MKI67: variants seen among roughly 807,000 people sequenced by gnomAD.
The protein encoded by MKI67 is proliferation marker protein Ki-67.
MKI67 carries 152 observed loss-of-function variants against 233.5 expected under a neutral mutation model. That is an observed-to-expected ratio of 0.65 (90% CI 0.57 to 0.74). The LOEUF is 0.74. Among genes scored for constraint, MKI67 ranks in the 30% least tolerant of loss-of-function variants. The pLI is 0.00. For synonymous variants in MKI67, 1,465 were observed against 1,418.5 expected (o/e 1.03, Z -0.74); for missense variants, 3,940 against 3,885.2 (o/e 1.01, Z -0.37).
chr10:128,112,543 A>C, intron 8 of MKI67, 98 bp from the exon 9 acceptor site: 1 of 1,203,242 alleles, frequency 8.3e-7, no homozygotes, highest in Non-Finnish European at 1.2e-6. Context: ...TCAGCTGTTT[A>C]AATCTTGAAG....
Position 128,115,153 on chromosome 10 carries a change from A to G in MKI67, c.1255T>C (p.Ser419Pro), listed in dbSNP as rs371693050. ...GGAATACTTCCTCTGGTTTTGGAAG[A>G]GAGATTTTCTGGCTTAGTGGCAGAG... ...ADSATKPENL[S>P]SKTRGSIPTD... Residue 419 changes from serine (S) to proline (P), a missense_variant, in exon 7 of 15, where the codon TCT becomes CCT. Coordinates refer to ENST00000368654, the MANE Select transcript of MKI67 (RefSeq NM_002417.5). 1 of 1,614,098 alleles carries G rather than the reference A, an allele frequency of 6.2e-7. No individual in the cohort carries two copies. Among genetic ancestry groups the G allele is most frequent in the African/African-American group, 1.3e-5 (1 of 74,942 alleles).
chr10:128,116,423 C>A, intron 6 of MKI67, 68 bp downstream of exon 6: 1 of 1,419,026 alleles, frequency 7.0e-7, no homozygotes, highest in South Asian at 1.2e-5. Flanking sequence ...GTTGCCCCTT[C>A]TTTGCCAATA....
In MKI67 at chr10:128,097,411, G is replaced by A. The variant is rs1852233953; in HGVS notation, c.*1779C>T. Reference sequence around the variant, plus strand: ...TGAAAACCACCCTTAGCGTGCTCTTGAAATACTGTACTTACCAGGGTGAGA... The same window carrying A: ...TGAAAACCACCCTTAGCGTGCTCTTAAAATACTGTACTTACCAGGGTGAGA... On this transcript the variant is annotated 3_prime_UTR_variant, in exon 15 of 15. Coordinates refer to ENST00000368654, the MANE Select transcript of MKI67 (RefSeq NM_002417.5). 1 of 152,116 alleles carries A rather than the reference G, an allele frequency of 6.6e-6. No homozygotes were observed. Among genetic ancestry groups the A allele is most frequent in the Non-Finnish European group, 1.5e-5 (1 of 68,024 alleles). 9.4% of individuals were successfully genotyped at this position (152,116 alleles called of 1,614,324 possible). A position where few individuals can be genotyped will look rare whatever the true frequency, so the allele number is the denominator to read the frequency against.
At position 128,103,222 on chromosome 10, in the gene MKI67, T is replaced by C; in HGVS notation, c.8618A>G (p.Lys2873Arg). Residue 2873 changes from lysine to arginine, a missense_variant, in exon 13 of 15, where the codon AAA becomes AGA. By Grantham distance (26) the Lys-to-Arg change is conservative. Coordinates refer to ENST00000368654, the MANE Select transcript of MKI67 (RefSeq NM_002417.5). ...GCCTTTGCCCTCACCTACCGGCTCT[T>C]TGTCGGTGTGCGTGGTCTCCCCTGA... ...QTSGETTHTD[K>R]EPVGEGKGTK... The C allele has an allele frequency of 2.5e-6, 4 of 1,614,102 alleles. No individual in the cohort carries two copies. The highest frequency in any genetic ancestry group is 3.4e-6 in the Non-Finnish European group (4 of 1,180,000).
rs1352377769 is a variant in MKI67 at position 128,101,348 on chromosome 10, T to C, written c.9615A>G (p.Thr3205=). ...AAGTGCTTGCTGCAGGCTGGCTTTT[T>C]GTCTTTCTTGATCTCAGGCACATGG... The part of the protein sequence containing the change: ...SDSMCLRSRK[T]KSQPAASTLE... The change falls in exon 14 of 15, where the codon ACA becomes ACG. Residue 3205 remains threonine, a synonymous_variant. Transcript: ENST00000368654. 2 of 1,614,104 alleles carry C rather than the reference T, an allele frequency of 1.2e-6. No individual in the cohort carries two copies. The highest frequency in any genetic ancestry group is 2.7e-5 in the African/African-American group (2 of 74,942).
rs1461204974 is a variant in MKI67 at position 128,122,973 on chromosome 10, G to A, written c.195C>T (p.Ser65=). 1.2e-6 allele frequency: 2 copies of A among 1,607,432 alleles called. No homozygotes were observed. The highest frequency in any genetic ancestry group is 1.1e-5 in the South Asian group (1 of 90,752). The change falls in exon 4 of 15, where the codon TCC becomes TCT. Residue 65 remains serine, a synonymous_variant. Transcript: ENST00000368654. ...ACCCATTTACTTGTGTTGGATTTGT[G>A]GAACTGAAATTATGTAATATTGCCT... ...EQEAILHNFS[S]TNPTQVNGSV... is the part of the protein sequence containing the mutation.
chr10:128,109,232 A>T lies in MKI67; in HGVS notation c.2608T>A (p.Ser870Thr), dbSNP rs1471445152. The T allele has an allele frequency of 1.9e-6, 3 of 1,614,096 alleles. No homozygotes were observed. Among genetic ancestry groups the T allele is most frequent in the Non-Finnish European group, 2.5e-6 (3 of 1,180,022 alleles). The part of the protein sequence containing the change: ...DTETEPSKTV[S>T]TANRSGRSTE... Reference sequence around the variant, plus strand: ...GACCTTCCTGACCTGTTTGCAGTGGATACTGTTTTTGAAGGCTCTGTCTCA... The same window carrying T: ...GACCTTCCTGACCTGTTTGCAGTGGTTACTGTTTTTGAAGGCTCTGTCTCA... The change falls in exon 13 of 15, where the codon TCC becomes ACC. Residue 870 changes from serine (S) to threonine (T), a missense_variant. Ser to Thr is a moderately conservative substitution (Grantham distance 58). Coordinates refer to ENST00000368654, the MANE Select transcript of MKI67 (RefSeq NM_002417.5).
At position 128,103,525 on chromosome 10, in the gene MKI67, T is replaced by A; in HGVS notation, c.8315A>T (p.Gln2772Leu). 1 of 1,613,998 alleles carries A rather than the reference T, an allele frequency of 6.2e-7. No homozygotes were observed. ...TACACTTGCTGCTGGAGCCGGTGTC[T>A]GTTTTGCAGATTCCTTCAATGCTTT... ...GIKALKESAKQTPAPAASVTG... is the reference protein window; with the variant it reads ...GIKALKESAKLTPAPAASVTG... The change falls in exon 13 of 15, where the codon CAG (glutamine) becomes CTG (leucine). Residue 2772 changes from glutamine (Q) to leucine (L), a missense_variant. By Grantham distance (113) the Gln-to-Leu change is moderately radical. Transcript: ENST00000368654.
chr10:128,119,154 C>G (rs1852872532), intron 5 of MKI67, 99 bp downstream of exon 5: 2 of 861,954 alleles, frequency 2.3e-6, no homozygotes, highest in African/African-American at 1.7e-5. Context: ...AGTAACCACC[C>G]TCTTTGTAAC....
intron 7 of MKI67, 76 bp downstream of exon 7, chr10:128,114,852 A>T: frequency 7.3e-7 from 1 of 1,366,328 alleles, no homozygotes; most frequent in Non-Finnish European, 9.9e-7. Context: ...ATCACTACTG[A>T]AAGAATGAAG....
chr10:128,100,128 C>T (rs1852306271), intron 14 of MKI67, among the ~76,000 whole-genome samples: 1 of 152,184 alleles, frequency 6.6e-6, no homozygotes, highest in African/African-American at 2.4e-5. Context: ...GTTTCTAGGA[C>T]CTTGTCTGGC....
At chr10:128,113,766 G>C (rs1852733431) in intron 7 of MKI67, among the ~76,000 whole-genome samples, 164 bp from the exon 8 acceptor site, 1 of 152,218 alleles carries the variant, frequency 6.6e-6, no homozygotes, top group South Asian at 2.1e-4. Flanking sequence ...AAGCTACTAA[G>C]AGTTCCTAAA....
chr10:128,125,995 C>G lies in MKI67; in HGVS notation c.-90+104G>C, dbSNP rs117677827. 6,343 of 369,168 alleles carry G rather than the reference C, an allele frequency of 0.017. 399 individuals are homozygous for G. Among genetic ancestry groups the G allele is most frequent in the East Asian group, 0.16 (2,228 of 13,768 alleles). The allele number at this position is 369,168 out of a possible 1,614,324, so 22.9% of individuals were successfully genotyped here. On this transcript the variant is annotated intron_variant, in intron 1 of 14. Coordinates refer to ENST00000368654, the MANE Select transcript of MKI67 (RefSeq NM_002417.5). The surrounding 1 kb of genome is among the most constrained non-coding windows in gnomAD (Gnocchi z 5.3). ...GCCAGAGCCCAGGAGGAGTCGGGCC[C>G]AGGCCGCGCGTCTGTCCCCTGCCCG... is the stretch of plus-strand genomic sequence containing the variant.
intron 2 of MKI67, 110 bp from the exon 3 acceptor site, chr10:128,123,279 A>C: frequency 2.6e-6 from 2 of 771,952 alleles, no homozygotes; most frequent in South Asian, 3.2e-5. Context: ...TGTAAATATG[A>C]CATAAAGGAG....
chr10:128,122,738 A>C, intron 4 of MKI67, 143 bp downstream of exon 4: 3 of 484,526 alleles, frequency 6.2e-6, no homozygotes, highest in Non-Finnish European at 1.1e-5. Flanking sequence ...ATATCCTTTT[A>C]AATTAAGATT....
At chr10:128,116,899 T>A (rs1852819683) in intron 5 of MKI67, among the ~76,000 whole-genome samples, 1 of 152,188 alleles carries the variant, frequency 6.6e-6, no homozygotes, top group Admixed American at 6.5e-5. Flanking sequence ...AAAGCGAGAC[T>A]CTGTCTCAAA....
Position 128,110,310 on chromosome 10 carries a change from T to C in MKI67, c.2416+68A>G, listed in dbSNP as rs1852643600. The C allele has an allele frequency of 3.2e-6, 4 of 1,262,102 alleles. No homozygotes were observed. The Admixed American group carries it at 7.4e-5, about 23-fold the overall frequency. 78.2% of individuals were successfully genotyped at this position (1,262,102 alleles called of 1,614,324 possible). A position where few individuals can be genotyped will look rare whatever the true frequency, so the allele number is the denominator to read the frequency against. On this transcript the variant is annotated intron_variant, in intron 12 of 14. Transcript: ENST00000368654. ...TTTTAGAGAAGTAATATCATACTGCTTGTAAAAAAATAATACTGTATGTTC... is the reference window on the plus strand; with the variant it reads ...TTTTAGAGAAGTAATATCATACTGCCTGTAAAAAAATAATACTGTATGTTC...
At position 128,105,231 on chromosome 10, in the gene MKI67, T is replaced by G; in HGVS notation, c.6609A>C (p.Thr2203=). The part of the protein sequence containing the change: ...DLAGLKELFQ[T]PICTDKPTTH... Reference sequence around the variant, plus strand: ...TCGTGGGCTTGTCAGTGCATATTGGTGTCTGGAAGAGCTCTTTCAAGCCAG... The same window carrying G: ...TCGTGGGCTTGTCAGTGCATATTGGGGTCTGGAAGAGCTCTTTCAAGCCAG... Residue 2203 remains threonine (T), a synonymous_variant, in exon 13 of 15, where the codon ACA becomes ACC. Transcript: ENST00000368654. 1 of 1,614,128 alleles carries G rather than the reference T, an allele frequency of 6.2e-7. No homozygotes were observed. The highest frequency in any genetic ancestry group is 8.5e-7 in the Non-Finnish European group (1 of 1,180,008).
chr10:128,121,202 A>C (rs1448794616), intron 4 of MKI67, among the ~76,000 whole-genome samples: 1 of 151,634 alleles, frequency 6.6e-6, no homozygotes, highest in Non-Finnish European at 1.5e-5. Context: ...CAAAGCAAAA[A>C]CTGATAGAGA....
Sources: gnomAD v4.1 joint callset for allele counts (sites outside exome capture counted in the v4.1 genomes callset) on GRCh38, gnomAD v4.1.1 for gene constraint, Gnocchi (gnomAD v3.1) non-coding constraint, MANE v1.5 for transcripts, NCBI Gene and HGNC (gene_info 2026-07-23, HGNC 2026-07-21) for gene names.